Variants in ZNF578 observed in about 807,000 individuals in gnomAD.
ZNF578 encodes Putative chemokine-related protein B42.
Under a neutral mutation model 8.3 loss-of-function variants are expected in ZNF578, and 8 were observed. The ratio of observed to expected loss-of-function variants is 0.96; its 90% CI spans 0.56 to 1.74. The LOEUF is 1.74. Ranked by LOEUF, ZNF578 falls within the 40% of genes most tolerant of loss-of-function variation. The pLI, the probability that ZNF578 is intolerant of heterozygous loss-of-function variation, is 0.00. For synonymous variants in ZNF578, 206 were observed against 232.2 expected (o/e 0.89, Z 1.03); for missense variants, 726 against 707.5 (o/e 1.03, Z -0.30).
chr19:52,511,880 G>C lies in ZNF578; in HGVS notation c.1499G>C (p.Cys500Ser). Residue 500 changes from cysteine to serine, a missense_variant, in exon 6 of 6, where the codon TGC becomes TCC. Cys to Ser is a moderately radical substitution (Grantham distance 112, BLOSUM62 -1). Coordinates refer to ENST00000421239, the MANE Select transcript of ZNF578 (RefSeq NM_001099694.2). ...KTFSHRSSLP[C>S]HRRLHSGEKP... ...TTCAGTCACAGGTCATCTCTTCCAT[G>C]CCATCGTAGACTTCATAGTGGTGAG... is the stretch of plus-strand genomic sequence containing the variant. The C allele has an allele frequency of 6.2e-7, 1 of 1,613,294 alleles. No homozygotes were observed.
rs755370671 is a variant in ZNF578 at position 52,511,921 on chromosome 19, A to C, written c.1540A>C (p.Asn514His). The stretch of plus-strand genomic sequence containing the variant: ...TAGTGGTGAGAAACCTTACAAGTGT[A>C]ATGAATGTGGGAAGACTTTTAATGT... The part of the protein sequence containing the change: ...LHSGEKPYKC[N>H]ECGKTFNVQS... Residue 514 changes from asparagine to histidine, a missense_variant, in exon 6 of 6, where the codon AAT becomes CAT. Coordinates refer to ENST00000421239, the MANE Select transcript of ZNF578 (RefSeq NM_001099694.2). The C allele has an allele frequency of 5.0e-6, 8 of 1,614,002 alleles. No individual in the cohort carries two copies. Among genetic ancestry groups the C allele is most frequent in the Non-Finnish European group, 5.9e-6 (7 of 1,179,968 alleles).
Position 52,459,767 on chromosome 19 carries a change from A to AT in ZNF578, c.-122+2810dup, listed in dbSNP as rs1177924530. ...TGTGTGTGTGTATATATATATATAT[A>AT]TATTTTTTTTTTTTTTTTTTTTTTT... On this transcript the variant is annotated intron_variant, in intron 2 of 5. Coordinates refer to ENST00000421239, the MANE Select transcript of ZNF578 (RefSeq NM_001099694.2). Among the ~76,000 whole-genome samples the AT allele has an allele frequency of 7.6e-3, 46 of 6,016 alleles. 14 individuals are homozygous for AT. The highest frequency in any genetic ancestry group is 0.024 in the South Asian group (2 of 84). 3.9% of individuals were successfully genotyped at this position (6,016 alleles called of 152,430 possible).
rs59166209 is a variant in ZNF578, at chr19:52,503,800, C to CTTTTTTTT, written c.64-846_64-839dup. 7.8e-4 allele frequency among the ~76,000 whole-genome samples: 98 copies of CTTTTTTTT among 125,496 alleles called. 1 individual carries two copies. The highest frequency in any genetic ancestry group is 1.2e-3 in the Non-Finnish European group (73 of 59,582). The allele number at this position is 125,496 out of a possible 152,430, so 82.3% of individuals were successfully genotyped here. ...GTCTGTAGAGAAAACCCTGTGTTTGCTTTTTTTTTTTTTTTTGAGATGGAG... is the reference window on the plus strand; with the variant it reads ...GTCTGTAGAGAAAACCCTGTGTTTGCTTTTTTTTTTTTTTTTTTTTTTTTGAGATGGAG... On this transcript the variant is annotated intron_variant, in intron 4 of 5. Coordinates refer to ENST00000421239, the MANE Select transcript of ZNF578 (RefSeq NM_001099694.2).
chr19:52,501,625 G>A (rs1276025748), intron 3 of ZNF578, among the ~76,000 whole-genome samples: 2 of 152,054 alleles, frequency 1.3e-5, no homozygotes, highest in African/African-American at 2.4e-5. Context: ...CTCCAGGAGG[G>A]GGGCGAGATC....
At chr19:52,459,612 TACACACACACACAC>T (rs71180468) in intron 2 of ZNF578, among the ~76,000 whole-genome samples, 4,531 of 118,750 alleles carry the variant, frequency 0.038, 289 homozygotes, top group African/African-American at 0.14. Flanking sequence ...AATGTGTATG[TACACACACACACAC>T]ACACACACAC....
chr19:52,500,875 G>T (rs368933488), intron 3 of ZNF578, among the ~76,000 whole-genome samples: 133 of 108,042 alleles, frequency 1.2e-3, no homozygotes, highest in Middle Eastern at 0.011. Context: ...TGTTTTGTGT[G>T]ACTTTTTTTT....
intron 2 of ZNF578, among the ~76,000 whole-genome samples, chr19:52,480,011 G>A (rs1673900): frequency 0.1 from 15,159 of 152,022 alleles, 1,272 homozygotes; most frequent in East Asian, 0.33. Context: ...CCGGGTTCAT[G>A]CCATTCTCCT....
chr19:52,474,385 G>A, intron 2 of ZNF578: 1 of 291,178 alleles, frequency 3.4e-6, no homozygotes, highest in Non-Finnish European at 7.1e-6. Flanking sequence ...TAAAGACCTT[G>A]TAACATTCAT....
chr19:52,515,764 T>C lies in ZNF578; in HGVS notation c.*3610T>C, dbSNP rs2059472216. ...TTTTTGAGGAGTGCCCAGTTGTGAT[T>C]AGAATTTTCAATGGGATGCAGTGCC... On this transcript the variant is annotated 3_prime_UTR_variant, in exon 6 of 6. Coordinates refer to ENST00000421239, the MANE Select transcript of ZNF578 (RefSeq NM_001099694.2). 6.6e-6 allele frequency among the ~76,000 whole-genome samples: 1 copy of C among 151,582 alleles called. No homozygotes were observed. The highest frequency in any genetic ancestry group is 2.1e-4 in the South Asian group (1 of 4,792).
chr19:52,467,949 A>G (rs1011373344), intron 2 of ZNF578, among the ~76,000 whole-genome samples: 2 of 152,072 alleles, frequency 1.3e-5, no homozygotes, highest in Non-Finnish European at 2.9e-5. Flanking sequence ...TTTTTTTCAT[A>G]TTTACAATAA....
chr19:52,495,064 C>T (rs1051592439), intron 3 of ZNF578, among the ~76,000 whole-genome samples: 6 of 151,188 alleles, frequency 4.0e-5, no homozygotes, highest in Non-Finnish European at 8.8e-5. Flanking sequence ...CCGGGGTGGT[C>T]TCAAAATCCT....
At chr19:52,487,961 T>C (rs397859749) in intron 2 of ZNF578, among the ~76,000 whole-genome samples, 103 of 128,528 alleles carry the variant, frequency 8.0e-4, no homozygotes, top group Admixed American at 1.4e-3. Flanking sequence ...CCCCCCCCCC[T>C]TTTTTTTTTT....
chr19:52,511,147 GA>G lies in ZNF578; in HGVS notation c.771del (p.Lys257AsnfsTer46). 6.2e-7 allele frequency: 1 copy of G among 1,614,152 alleles called. No individual in the cohort carries two copies. On this transcript the variant is annotated frameshift_variant, in exon 6 of 6. Coordinates refer to ENST00000421239, the MANE Select transcript of ZNF578 (RefSeq NM_001099694.2). LOFTEE classifies it low-confidence loss of function (END_TRUNC). ...GAAACATCAGATAATCCATTTAGGA[GA>G]AAAACAATATAAATTTGATATATGT... ...VRKHQIIHLGEKQYKFDICGK... is the reference protein window; with the variant it reads ...VRKHQIIHLGXKQYKFDICGK...
In ZNF578 at chr19:52,512,320, A is replaced by G. The variant is rs1417654782; in HGVS notation, c.*166A>G. ...ACCAGTCAACACTTACCATCAGGCCATTCATGGTGTAGGGAAACTTGACTA... is the reference window on the plus strand; with the variant it reads ...ACCAGTCAACACTTACCATCAGGCCGTTCATGGTGTAGGGAAACTTGACTA... On this transcript the variant is annotated 3_prime_UTR_variant, in exon 6 of 6. Coordinates refer to ENST00000421239, the MANE Select transcript of ZNF578 (RefSeq NM_001099694.2). 18 of 1,540,680 alleles carry G rather than the reference A, an allele frequency of 1.2e-5. No individual in the cohort carries two copies. The highest frequency in any genetic ancestry group is 1.1e-4 in the African/African-American group (8 of 73,338).
At chr19:52,472,655 T>C (rs1301903027) in intron 2 of ZNF578, among the ~76,000 whole-genome samples, 1 of 152,168 alleles carries the variant, frequency 6.6e-6, no homozygotes, top group African/African-American at 2.4e-5. Flanking sequence ...TATTTTGAGG[T>C]TATTTGGTAG....
At position 52,504,748 on chromosome 19, in the gene ZNF578, A is replaced by G; in HGVS notation, c.157A>G (p.Met53Val). The G allele has an allele frequency of 1.2e-6, 2 of 1,614,118 alleles. No individual in the cohort carries two copies. The highest frequency in any genetic ancestry group is 1.7e-6 in the Non-Finnish European group (2 of 1,180,022). The part of the protein sequence containing the change: ...PAQRALYREV[M>V]LENYRNLEAV... ...GCAGAGGGCTTTGTACAGGGAAGTG[A>G]TGTTGGAGAACTACAGGAACCTGGA... Residue 53 changes from methionine to valine, a missense_variant, in exon 5 of 6, where the codon ATG (methionine) becomes GTG (valine). Physicochemically the swap from Met to Val is conservative, Grantham distance 21. Transcript: ENST00000421239.
At chr19:52,466,273 A>G (rs1034274681) in intron 2 of ZNF578, among the ~76,000 whole-genome samples, 2 of 152,208 alleles carry the variant, frequency 1.3e-5, no homozygotes, top group Non-Finnish European at 2.9e-5. Context: ...AGTGGGCTTA[A>G]CTAGGAGCCA....
At chr19:52,488,645 G>C (rs979614435) in intron 2 of ZNF578, among the ~76,000 whole-genome samples, 3 of 151,776 alleles carry the variant, frequency 2.0e-5, no homozygotes, top group African/African-American at 7.3e-5. Flanking sequence ...TTAGCCAGGC[G>C]TGGTGGCAGA....
chr19:52,496,619 G>A (rs1457673518), intron 3 of ZNF578, among the ~76,000 whole-genome samples: 1 of 145,286 alleles, frequency 6.9e-6, no homozygotes, highest in Non-Finnish European at 1.5e-5. Flanking sequence ...GTGAGCCACC[G>A]CGCTCAGCCT....
Sources: gnomAD v4.1 joint callset for allele counts (sites outside exome capture counted in the v4.1 genomes callset) on GRCh38, gnomAD v4.1.1 for gene constraint, MANE v1.5 for transcripts, NCBI Gene and HGNC (gene_info 2026-07-23, HGNC 2026-07-21) for gene names.